Variants in ASIC2 observed in about 807,000 individuals in gnomAD.
ASIC2 encodes the protein acid sensing ion channel subunit 2.
A neutral mutation model predicts 57.3 loss-of-function variants in ASIC2; 25 were observed. The observed-to-expected ratio is 0.44, with a 90% CI of 0.32 to 0.61. The LOEUF (loss-of-function observed/expected upper bound fraction) is 0.61. Ranked by LOEUF, ASIC2 falls within the 20% of genes least tolerant of loss-of-function variation. ASIC2 has a pLI of 0.06. For synonymous variants in ASIC2, 319 were observed against 307.5 expected, an observed-to-expected ratio of 1.04 and a Z score of -0.39; for missense variants, 641 against 738.1, an observed-to-expected ratio of 0.87 and a Z score of 1.52.
chr17:34,076,161 C>A (rs1243464095), intron 1 of ASIC2, among the ~76,000 whole-genome samples: 1 of 151,990 alleles, frequency 6.6e-6, no homozygotes, highest in East Asian at 1.9e-4. Context: ...TGCCACCATG[C>A]CTGGCTAATT....
At chr17:34,155,740 A>ACC (rs1904693974) in intron 1 of ASIC2, 1 of 506,478 alleles carries the variant, frequency 2.0e-6, no homozygotes, top group Admixed American at 3.7e-5. Flanking sequence ...GTGATCCCCC[A>ACC]CCGCAAGCCC....
intron 1 of ASIC2, among the ~76,000 whole-genome samples, chr17:33,579,149 G>C (rs1397259119): frequency 1.3e-5 from 2 of 152,078 alleles, no homozygotes; most frequent in Non-Finnish European, 2.9e-5. Context: ...AGCCAGGCAT[G>C]ATGGTGGGCG....
intron 3 of ASIC2, among the ~76,000 whole-genome samples, chr17:33,074,491 C>G (rs979046274): frequency 6.6e-6 from 1 of 152,132 alleles, no homozygotes; most frequent in Non-Finnish European, 1.5e-5. Context: ...TTCCCGAGCA[C>G]CTGGGGTTCC....
chr17:33,356,883 T>A (rs1226426100), intron 1 of ASIC2, among the ~76,000 whole-genome samples: 1 of 152,140 alleles, frequency 6.6e-6, no homozygotes, highest in East Asian at 1.9e-4. Context: ...GCATGAAGAC[T>A]GTTACAGAGC....
intron 1 of ASIC2, among the ~76,000 whole-genome samples, chr17:34,025,918 TTG>T (rs1211583711): frequency 5.3e-5 from 8 of 152,212 alleles, no homozygotes; most frequent in African/African-American, 1.7e-4. Flanking sequence ...CTTACCAGGA[TTG>T]TGTCTTTATC....
intron 1 of ASIC2, among the ~76,000 whole-genome samples, chr17:33,274,824 G>A (rs1288977306): frequency 1.3e-5 from 2 of 152,194 alleles, no homozygotes; most frequent in African/African-American, 2.4e-5. Context: ...AAGAAACAGG[G>A]TTGTCCAGGA....
chr17:33,404,238 A>G (rs1419122649), intron 1 of ASIC2, among the ~76,000 whole-genome samples: 1 of 152,208 alleles, frequency 6.6e-6, no homozygotes, highest in African/African-American at 2.4e-5. Context: ...GGTGACGGAA[A>G]TGTGCTAATT....
intron 1 of ASIC2, among the ~76,000 whole-genome samples, chr17:33,203,476 C>T (rs542980044): frequency 2.0e-5 from 3 of 152,296 alleles, no homozygotes; most frequent in South Asian, 4.1e-4. Context: ...TCTCTCCCCA[C>T]GTGCCCACTC....
intron 1 of ASIC2, among the ~76,000 whole-genome samples, chr17:33,332,728 T>C (rs796905493): frequency 7.2e-5 from 11 of 152,114 alleles, no homozygotes; most frequent in African/African-American, 1.9e-4. Flanking sequence ...CCGTCTCTAC[T>C]AAAAATACAA....
chr17:33,025,892 C>T, intron 5 of ASIC2, 34 bp downstream of exon 5: 1 of 1,567,122 alleles, frequency 6.4e-7, no homozygotes, highest in Non-Finnish European at 8.6e-7. Flanking sequence ...AGGCCCCCGG[C>T]CCCCATGATT....
intron 1 of ASIC2, among the ~76,000 whole-genome samples, chr17:33,140,850 G>A (rs186989643): frequency 6.6e-6 from 1 of 152,350 alleles, no homozygotes; most frequent in Non-Finnish European, 1.5e-5. Flanking sequence ...CCCAGCCAGG[G>A]CTGCCTCAGT....
chr17:33,903,865 T>A (rs1915280905), intron 1 of ASIC2, among the ~76,000 whole-genome samples: 1 of 152,116 alleles, frequency 6.6e-6, no homozygotes. Context: ...CAGATGGGGC[T>A]TAAAGAATTA....
chr17:34,032,195 G>T (rs1278705528), intron 1 of ASIC2, among the ~76,000 whole-genome samples: 1 of 152,166 alleles, frequency 6.6e-6, no homozygotes, highest in Admixed American at 6.5e-5. Flanking sequence ...AGAAGAGAGT[G>T]GGGGCCAATA....
intron 1 of ASIC2, among the ~76,000 whole-genome samples, chr17:33,942,018 C>G (rs560853583): frequency 1.3e-5 from 2 of 152,260 alleles, no homozygotes; most frequent in South Asian, 2.1e-4. Flanking sequence ...GTACCGGGAA[C>G]AAATAAACGA....
chr17:33,955,744 C>T (rs1315527988), intron 1 of ASIC2, among the ~76,000 whole-genome samples: 1 of 152,158 alleles, frequency 6.6e-6, no homozygotes, highest in Non-Finnish European at 1.5e-5. Flanking sequence ...AGCTCCAGCC[C>T]AACAGGGCCC....
chr17:33,490,510 T>C (rs1224344953), intron 1 of ASIC2, among the ~76,000 whole-genome samples: 1 of 152,194 alleles, frequency 6.6e-6, no homozygotes, highest in Non-Finnish European at 1.5e-5. Flanking sequence ...GATAATTGAA[T>C]CATGGGAGCA....
intron 2 of ASIC2, among the ~76,000 whole-genome samples, chr17:33,105,087 C>A (rs1333477456): frequency 6.6e-6 from 1 of 152,160 alleles, no homozygotes; most frequent in Non-Finnish European, 1.5e-5. Context: ...AGTCCAAGGT[C>A]TCTGACTTCC....
intron 1 of ASIC2, among the ~76,000 whole-genome samples, chr17:33,644,849 T>G (rs1906690603): frequency 6.6e-6 from 1 of 152,228 alleles, no homozygotes; most frequent in Non-Finnish European, 1.5e-5. Context: ...TTCATTGGCT[T>G]GATTGAATAT....
intron 1 of ASIC2, among the ~76,000 whole-genome samples, chr17:33,577,106 C>T (rs1916648653): frequency 6.6e-6 from 1 of 152,088 alleles, no homozygotes; most frequent in South Asian, 2.1e-4. Flanking sequence ...GCCAGAATAC[C>T]CAACTGCTAG....
Sources: gnomAD v4.1 joint callset for allele counts (sites outside exome capture counted in the v4.1 genomes callset) on GRCh38, gnomAD v4.1.1 for gene constraint, MANE v1.5 for transcripts, NCBI Gene and HGNC (gene_info 2026-07-23, HGNC 2026-07-21) for gene names.